The following TLK1 variants were observed in gnomAD, a reference collection of about 807,000 sequenced individuals.
TLK1 encodes serine/threonine-protein kinase tousled-like 1.
Under a neutral mutation model 105.3 loss-of-function variants are expected in TLK1, and 24 were observed. The ratio of observed to expected loss-of-function variants is 0.23; its 90% CI spans 0.17 to 0.32. The LOEUF (loss-of-function observed/expected upper bound fraction) is 0.32. Among genes scored for constraint, TLK1 ranks in the 10% least tolerant of loss-of-function variants. The probability of loss-of-function intolerance (pLI) is 1.00; values close to 1 mark genes in which losing one functional copy is unlikely to be tolerated. For synonymous variants in TLK1, 321 were observed against 310.4 expected, an observed-to-expected ratio of 1.03 and a Z score of -0.36; for missense variants, 558 against 910.5, an observed-to-expected ratio of 0.61 and a Z score of 4.98.
chr2:171,010,419 T>G (rs2105367512), intron 14 of TLK1, among the ~76,000 whole-genome samples: 1 of 152,246 alleles, frequency 6.6e-6, no homozygotes, highest in Non-Finnish European at 1.5e-5. Flanking sequence ...AGCACCCACA[T>G]GAGGTAAGTC....
intron 1 of TLK1, among the ~76,000 whole-genome samples, chr2:171,147,950 G>C (rs1691858274): frequency 6.6e-6 from 1 of 151,712 alleles, no homozygotes; most frequent in Admixed American, 6.6e-5. Context: ...GAGTGCAATG[G>C]TGCAATCTCG....
chr2:171,055,014 TTAG>T, intron 7 of TLK1, 66 bp downstream of exon 7: 2 of 847,424 alleles, frequency 2.4e-6, no homozygotes, highest in African/African-American at 1.8e-5. Context: ...AACAGACATC[TTAG>T]TTGTTAGTAA....
intron 11 of TLK1, among the ~76,000 whole-genome samples, chr2:171,034,492 ATATAAGG>A (rs1686221741): frequency 6.6e-6 from 1 of 152,254 alleles, no homozygotes. Flanking sequence ...ACAAAAGGTC[ATATAAGG>A]TATGAGTCAT....
chr2:171,052,185 G>A (rs369784760), intron 8 of TLK1, among the ~76,000 whole-genome samples: 14 of 152,214 alleles, frequency 9.2e-5, no homozygotes, highest in African/African-American at 3.1e-4. Flanking sequence ...GCTTAAACCC[G>A]GGAGTTTGAG....
rs542666570 is a variant in TLK1 at position 171,214,626 on chromosome 2, A to G, written c.-6+16519T>C. ...TTCTGATTCAGTTAAGTCTGCAGTG[A>G]GGCTGAAAAATTTGCATTTCTATTA... On this transcript the variant is annotated intron_variant, in intron 1 of 20. Transcript: ENST00000521943. Among the ~76,000 whole-genome samples the G allele has an allele frequency of 3.3e-5, 5 of 152,318 alleles. No individual in the cohort carries two copies. The South Asian group carries it at 8.3e-4, about 25-fold the overall frequency.
chr2:171,132,291 T>C (rs150418859), intron 1 of TLK1, among the ~76,000 whole-genome samples: 5 of 152,132 alleles, frequency 3.3e-5, no homozygotes, highest in African/African-American at 7.2e-5. Flanking sequence ...ACCCAGCATG[T>C]GGGAAAGCGC....
At chr2:170,994,094 A>G (rs1259116705) in intron 20 of TLK1, 138 bp from the exon 21 acceptor site, 21 of 955,158 alleles carry the variant, frequency 2.2e-5, no homozygotes, top group Non-Finnish European at 2.7e-5. Flanking sequence ...CCTTAAAAAA[A>G]AAATTCTGTA....
At chr2:171,203,553 T>C (rs552129916) in intron 1 of TLK1, among the ~76,000 whole-genome samples, 1 of 152,342 alleles carries the variant, frequency 6.6e-6, no homozygotes, top group East Asian at 1.9e-4. Flanking sequence ...TAATATTCCA[T>C]TACATGTATA....
chr2:171,154,341 T>C (rs1692154557), intron 1 of TLK1: 2 of 152,100 alleles, frequency 1.3e-5, no homozygotes, highest in African/African-American at 4.8e-5. Context: ...ATTTTTGAGC[T>C]GGAAGAGACC....
chr2:171,032,227 TG>T lies in TLK1; in HGVS notation c.1170-3823del, dbSNP rs373657733. On this transcript the variant is annotated intron_variant, in intron 11 of 20. Transcript: ENST00000431350. ...TCATGATTGCTAATCAGTATTGCAC[TG>T]GAAGTCCTACCAGAGCAGTCAGGTA... Among the ~76,000 whole-genome samples, 677 of 152,298 alleles carry T rather than the reference TG, an allele frequency of 4.4e-3. 1 individual carries two copies. The highest frequency in any genetic ancestry group is 8.1e-3 in the South Asian group (39 of 4,830).
upstream of TLK1, among the ~76,000 whole-genome samples, chr2:171,164,073 A>G (rs530263903): frequency 6.6e-6 from 1 of 152,298 alleles, no homozygotes; most frequent in Non-Finnish European, 1.5e-5. Flanking sequence ...ATTTTTAATG[A>G]TAACTAGAGG....
intron 2 of TLK1, among the ~76,000 whole-genome samples, chr2:171,100,086 G>A (rs1214689652): frequency 6.6e-6 from 1 of 152,066 alleles, no homozygotes; most frequent in African/African-American, 2.4e-5. Flanking sequence ...ATTTTAAAAT[G>A]GGAAAAGGAT....
chr2:171,065,404 A>T (rs1019967831), intron 3 of TLK1, among the ~76,000 whole-genome samples: 4 of 152,258 alleles, frequency 2.6e-5, no homozygotes, highest in African/African-American at 9.6e-5. Flanking sequence ...TTTAAAACAG[A>T]AACAAAAGTT....
rs751781777 is a variant in TLK1, at chr2:171,148,141, C to T, written c.139+12149G>A. Among the ~76,000 whole-genome samples the T allele has an allele frequency of 2.6e-5, 4 of 152,248 alleles. No homozygotes were observed. In the South Asian group the frequency reaches 6.2e-4, roughly 24 times the overall value. ...TCCTGACCTCATGATCCGCCCACCT[C>T]GGCCTCCCCAAGTGCTGCTATTACA... On this transcript the variant is annotated intron_variant, in intron 1 of 20. Transcript: ENST00000431350.
chr2:171,229,792 G>A (rs12475659), intron 1 of TLK1, among the ~76,000 whole-genome samples: 7 of 152,168 alleles, frequency 4.6e-5, no homozygotes, highest in African/African-American at 1.7e-4. Flanking sequence ...TTTAAAAATC[G>A]TACCTCACTA....
chr2:171,006,938 C>A (rs1416002864), intron 15 of TLK1, 34 bp downstream of exon 15: 2 of 1,602,834 alleles, frequency 1.2e-6, no homozygotes, highest in Non-Finnish European at 1.7e-6. Flanking sequence ...AAAAAATATT[C>A]AATTTTAAAA....
At chr2:171,202,488 G>C (rs1693422827) in intron 1 of TLK1, among the ~76,000 whole-genome samples, 1 of 152,188 alleles carries the variant, frequency 6.6e-6, no homozygotes, top group East Asian at 1.9e-4. Flanking sequence ...AGGCGCAGCA[G>C]TGGCTTATGC....
chr2:171,223,567 C>T (rs2105331986), intron 1 of TLK1, among the ~76,000 whole-genome samples: 1 of 150,594 alleles, frequency 6.6e-6, no homozygotes, highest in South Asian at 2.1e-4. Flanking sequence ...GCAACCTCCA[C>T]TTCCTGAGTT....
chr2:171,223,710 C>T (rs981736376), intron 1 of TLK1, among the ~76,000 whole-genome samples: 1 of 151,974 alleles, frequency 6.6e-6, no homozygotes, highest in African/African-American at 2.4e-5. Flanking sequence ...GAACTTCTGA[C>T]CTCAGGTGAT....
Sources: allele counts gnomAD v4.1 joint callset (sites outside exome capture counted in the v4.1 genomes callset), GRCh38; gene constraint gnomAD v4.1.1; transcripts MANE v1.5; gene names NCBI Gene and HGNC (gene_info 2026-07-23, HGNC 2026-07-21).